The following GPC3 variants were observed in gnomAD, a reference collection of about 807,000 sequenced individuals.
The protein encoded by GPC3 is glypican 3, also known as glypican-3.
A neutral mutation model predicts 34.4 loss-of-function variants in GPC3; 3 were observed. The ratio of observed to expected loss-of-function variants is 0.09; its 90% CI spans 0.04 to 0.23. The LOEUF (loss-of-function observed/expected upper bound fraction) is 0.23. Among genes scored for constraint, GPC3 ranks in the 10% least tolerant of loss-of-function variants. The pLI, the probability that GPC3 is intolerant of heterozygous loss-of-function variation, is 1.00. For missense variants in GPC3, 351 were observed against 445.6 expected (o/e 0.79, Z 1.91); for synonymous variants, 177 against 174.0 (o/e 1.02, Z -0.13).
intron 5 of GPC3, among the ~76,000 whole-genome samples, chrX:133,681,942 T>C (rs963502306): frequency 8.9e-6 from 1 of 112,270 alleles, no homozygotes; most frequent in African/African-American, 3.2e-5. Flanking sequence ...AGGACACCTA[T>C]CACACTCAGC....
intron 4 of GPC3, among the ~76,000 whole-genome samples, chrX:133,693,254 C>T (rs2124431902): frequency 9.6e-6 from 1 of 103,674 alleles, no homozygotes; most frequent in Non-Finnish European, 2.0e-5. Context: ...TATATTATGT[C>T]TGCAATTGTA....
intron 2 of GPC3, among the ~76,000 whole-genome samples, chrX:133,916,437 A>G (rs910977618): frequency 2.7e-5 from 3 of 111,244 alleles, no homozygotes; most frequent in African/African-American, 9.8e-5. Context: ...GTGTTTTTCA[A>G]TTTTCTAAAG....
At chrX:133,686,813 G>GCA (rs1414676792) in intron 5 of GPC3, among the ~76,000 whole-genome samples, 2 of 107,736 alleles carry the variant, frequency 1.9e-5, no homozygotes, top group African/African-American at 6.8e-5. Flanking sequence ...ACTTGCGCCT[G>GCA]CACACACACA....
At chrX:133,642,425 A>T (rs1974244462) in intron 6 of GPC3, among the ~76,000 whole-genome samples, 1 of 111,639 alleles carries the variant, frequency 9.0e-6, no homozygotes, top group South Asian at 3.8e-4. Flanking sequence ...GGACAAACTA[A>T]AATCACTAGC....
chrX:133,728,813 A>G (rs1297203214), intron 3 of GPC3, among the ~76,000 whole-genome samples: 1 of 112,560 alleles, frequency 8.9e-6, no homozygotes, highest in Admixed American at 9.4e-5. Context: ...TAGCTTTTCC[A>G]CCAGTGACTT....
intron 2 of GPC3, among the ~76,000 whole-genome samples, chrX:133,774,915 G>A (rs2071962773): frequency 9.0e-6 from 1 of 111,091 alleles, no homozygotes; most frequent in Non-Finnish European, 1.9e-5. Context: ...TTGGTAGAAG[G>A]GCACTGATCA....
intron 3 of GPC3, among the ~76,000 whole-genome samples, chrX:133,731,349 T>G (rs1356722345): frequency 8.9e-6 from 1 of 112,894 alleles, no homozygotes; most frequent in Non-Finnish European, 1.9e-5. Context: ...TTTCTAGACT[T>G]AAGCATTTCA....
intron 6 of GPC3, among the ~76,000 whole-genome samples, chrX:133,641,103 C>G (rs769185599): frequency 1.8e-5 from 2 of 109,847 alleles, no homozygotes; most frequent in Non-Finnish European, 3.8e-5. Flanking sequence ...AAGGAAAACT[C>G]CATTGAATAG....
chrX:133,655,476 C>CCACA (rs758691994), intron 6 of GPC3, among the ~76,000 whole-genome samples: 85 of 97,617 alleles, frequency 8.7e-4, no homozygotes, highest in African/African-American at 2.6e-3. Flanking sequence ...CTTCACACAC[C>CCACA]CACACACACA....
intron 7 of GPC3, 72 bp from the exon 8 acceptor site, chrX:133,536,365 G>T: frequency 1.2e-6 from 1 of 804,622 alleles, no homozygotes; most frequent in Non-Finnish European, 1.9e-6. Flanking sequence ...TGCACAGCTC[G>T]AGCATGTGTC....
chrX:133,827,474 C>A (rs1363136198), intron 2 of GPC3, among the ~76,000 whole-genome samples: 1 of 111,311 alleles, frequency 9.0e-6, no homozygotes, highest in Non-Finnish European at 1.9e-5. Context: ...GAGGGAGTAA[C>A]CGTGCTATAT....
intron 3 of GPC3, among the ~76,000 whole-genome samples, chrX:133,712,960 A>C (rs1022476685): frequency 5.3e-5 from 6 of 112,206 alleles, no homozygotes; most frequent in African/African-American, 1.9e-4. Context: ...AAAGTCATAG[A>C]AGAAATCATG....
intron 2 of GPC3, among the ~76,000 whole-genome samples, chrX:133,865,037 C>CT (rs754683812): frequency 3.0e-4 from 33 of 111,043 alleles, no homozygotes; most frequent in African/African-American, 9.1e-4. Context: ...ATATTGTTCT[C>CT]TTTTTTTTTA....
chrX:133,794,011 T>C (rs2075562965), intron 2 of GPC3, among the ~76,000 whole-genome samples: 1 of 112,053 alleles, frequency 8.9e-6, no homozygotes. Flanking sequence ...TTCTCTTCCA[T>C]CTGCACAAGA....
At chrX:133,702,542 T>C (rs2071176231) in intron 3 of GPC3, among the ~76,000 whole-genome samples, 2 of 111,346 alleles carry the variant, frequency 1.8e-5, no homozygotes, top group Admixed American at 1.9e-4. Flanking sequence ...GCCCTTTGTA[T>C]CAATGAATAC....
chrX:133,688,013 A>G (rs976358733), intron 5 of GPC3, among the ~76,000 whole-genome samples: 2 of 112,626 alleles, frequency 1.8e-5, no homozygotes, highest in African/African-American at 6.5e-5. Context: ...AGAATGATTT[A>G]CAAAAATGTT....
At chrX:133,877,247 A>C (rs760200612) in intron 2 of GPC3, among the ~76,000 whole-genome samples, 6 of 111,984 alleles carry the variant, frequency 5.4e-5, no homozygotes, top group Non-Finnish European at 9.4e-5. Flanking sequence ...ATTTATTTTA[A>C]GGCCATGGTT....
At chrX:133,840,710 G>C (rs1252820514) in intron 2 of GPC3, among the ~76,000 whole-genome samples, 2 of 110,853 alleles carry the variant, frequency 1.8e-5, no homozygotes, top group Non-Finnish European at 3.8e-5. Context: ...CTCAGAACCA[G>C]GGCATTATAT....
intron 2 of GPC3, among the ~76,000 whole-genome samples, chrX:133,824,932 T>C (rs1414590297): frequency 4.4e-5 from 5 of 112,455 alleles, no homozygotes; most frequent in Non-Finnish European, 9.4e-5. Flanking sequence ...CACTGCAACC[T>C]GCAACCTCTG....
Sources: allele counts gnomAD v4.1 joint callset (sites outside exome capture counted in the v4.1 genomes callset), GRCh38; gene constraint gnomAD v4.1.1; transcripts MANE v1.5; gene names NCBI Gene and HGNC (gene_info 2026-07-23, HGNC 2026-07-21).